The following GIGYF2 variants were observed in gnomAD, a reference collection of about 807,000 sequenced individuals.
GIGYF2 encodes GRB10-interacting GYF protein 2.
In GIGYF2, 25 loss-of-function variants were observed where a neutral mutation model predicts 208.1. That is an observed-to-expected ratio of 0.12 (90% CI 0.09 to 0.17). GIGYF2 has a LOEUF of 0.17. Among genes scored for constraint, GIGYF2 ranks in the 10% least tolerant of loss-of-function variants. GIGYF2 has a pLI of 1.00. For synonymous variants in GIGYF2, 534 were observed against 543.8 expected (o/e 0.98, Z 0.25); for missense variants, 1,302 against 1,579.4 (o/e 0.82, Z 2.98).
intron 2 of GIGYF2, among the ~76,000 whole-genome samples, chr2:232,723,432 CTTT>C (rs371379851): frequency 3.7e-5 from 5 of 135,080 alleles, no homozygotes; most frequent in Non-Finnish European, 4.7e-5. Context: ...CTTTTCTTTT[CTTT>C]TTTTTTTTTT....
chr2:232,780,782 C>G (rs574234419), intron 8 of GIGYF2, among the ~76,000 whole-genome samples: 1 of 152,222 alleles, frequency 6.6e-6, no homozygotes, highest in East Asian at 1.9e-4. Context: ...GCTGACGTTA[C>G]AGAAGGAGGA....
chr2:232,742,287 T>A (rs1029488283), intron 3 of GIGYF2, among the ~76,000 whole-genome samples: 1 of 152,170 alleles, frequency 6.6e-6, no homozygotes, highest in African/African-American at 2.4e-5. Flanking sequence ...ACCCCTATAA[T>A]CCCAACACTT....
chr2:232,738,954 A>C (rs1171321544), intron 3 of GIGYF2, among the ~76,000 whole-genome samples: 1 of 152,190 alleles, frequency 6.6e-6, no homozygotes, highest in Non-Finnish European at 1.5e-5. Flanking sequence ...TTTGGTGCTA[A>C]ACTCCTTAGA....
intron 5 of GIGYF2, among the ~76,000 whole-genome samples, chr2:232,754,874 A>G (rs982771215): frequency 1.6e-4 from 24 of 151,794 alleles, no homozygotes; most frequent in Non-Finnish European, 3.2e-4. Context: ...ATATGATTAT[A>G]TACCTATAAA....
intron 8 of GIGYF2, among the ~76,000 whole-genome samples, chr2:232,779,924 A>G (rs1193879694): frequency 6.6e-6 from 1 of 152,014 alleles, no homozygotes; most frequent in African/African-American, 2.4e-5. Flanking sequence ...CCCTTTCACC[A>G]TTTTCTTTGG....
chr2:232,737,460 A>G (rs2106299375), intron 3 of GIGYF2, among the ~76,000 whole-genome samples: 1 of 152,338 alleles, frequency 6.6e-6, no homozygotes, highest in Non-Finnish European at 1.5e-5. Flanking sequence ...ATGCTGATGC[A>G]CTGAGGAATG....
chr2:232,745,168 A>T (rs1364253932), intron 3 of GIGYF2, among the ~76,000 whole-genome samples: 1 of 152,138 alleles, frequency 6.6e-6, no homozygotes, highest in African/African-American at 2.4e-5. Context: ...CTGGTTGTTT[A>T]ACTTGTTTTA....
chr2:232,735,700 C>T, intron 3 of GIGYF2: 1 of 989,954 alleles, frequency 1.0e-6, no homozygotes, highest in Non-Finnish European at 1.2e-6. Context: ...TAACAGTAGC[C>T]TATCTAGGAT....
At chr2:232,729,142 C>CT (rs1422038727) in intron 2 of GIGYF2, among the ~76,000 whole-genome samples, 5 of 152,080 alleles carry the variant, frequency 3.3e-5, no homozygotes, top group Admixed American at 3.3e-4. Context: ...CCACGCGTGA[C>CT]TAACTTTTGT....
chr2:232,847,539 C>T lies in GIGYF2; in HGVS notation c.3652C>T (p.Pro1218Ser). The change falls in exon 27 of 29, where the codon CCA becomes TCA. Residue 1218 changes from proline (P) to serine (S), a missense_variant. Transcript: ENST00000373563. ...GCCACAGCAGCAGCAGCAGCAGCCG[C>T]CACAGCAGCCGCCACAGCAGCCACA... The part of the protein sequence containing the change: ...QLPQQQQQQP[P>S]QQPPQQPQQQ... The T allele has an allele frequency of 6.2e-7, 1 of 1,602,842 alleles. No homozygotes were observed. The highest frequency in any genetic ancestry group is 8.5e-7 in the Non-Finnish European group (1 of 1,174,588).
chr2:232,840,957 A>G (rs1268638274), intron 23 of GIGYF2, among the ~76,000 whole-genome samples: 1 of 152,216 alleles, frequency 6.6e-6, no homozygotes, highest in African/African-American at 2.4e-5. Context: ...TTGGATACAC[A>G]AGGAGAAATA....
chr2:232,770,093 C>G (rs1699170025), intron 8 of GIGYF2, among the ~76,000 whole-genome samples: 1 of 152,074 alleles, frequency 6.6e-6, no homozygotes, highest in Non-Finnish European at 1.5e-5. Flanking sequence ...AAGGACTGAC[C>G]CAGTATAGGA....
At chr2:232,758,879 A>G (rs1698642230) in intron 6 of GIGYF2, among the ~76,000 whole-genome samples, 1 of 152,186 alleles carries the variant, frequency 6.6e-6, no homozygotes, top group Admixed American at 6.5e-5. Flanking sequence ...ATGACAATTT[A>G]TATTACATTA....
intron 2 of GIGYF2, chr2:232,719,152 A>T (rs1198515258): frequency 6.6e-6 from 1 of 152,196 alleles, no homozygotes; most frequent in Non-Finnish European, 1.5e-5. Flanking sequence ...TGCCGGCCAC[A>T]TAATTTTTAT....
At chr2:232,830,185 A>G (rs988426882) in intron 21 of GIGYF2, among the ~76,000 whole-genome samples, 7 of 152,142 alleles carry the variant, frequency 4.6e-5, no homozygotes, top group Admixed American at 1.3e-4. Flanking sequence ...GTCTCACTGT[A>G]TTGCCCAGTC....
chr2:232,766,074 G>A, intron 8 of GIGYF2: 3 of 466,742 alleles, frequency 6.4e-6, no homozygotes, highest in Non-Finnish European at 1.3e-5. Context: ...TTCCTCAGAG[G>A]ATAATGGTCT....
Position 232,817,025 on chromosome 2 carries a change from G to C in GIGYF2, c.2363G>C (p.Arg788Thr). 6.2e-7 allele frequency: 1 copy of C among 1,611,922 alleles called. No individual in the cohort carries two copies. Among genetic ancestry groups the C allele is most frequent in the Non-Finnish European group, 8.5e-7 (1 of 1,177,986 alleles). Residue 788 changes from arginine to threonine, a missense_variant, in exon 20 of 29, where the codon AGG becomes ACG. By Grantham distance (71) the Arg-to-Thr change is moderately conservative (BLOSUM62 -1). Coordinates refer to ENST00000373563, the MANE Select transcript of GIGYF2 (RefSeq NM_001103146.3). ...KRREEEELARRKQEEALRRQR... is the reference protein window; with the variant it reads ...KRREEEELARTKQEEALRRQR... Reference sequence around the variant, plus strand: ...CGAGAGGAAGAAGAACTTGCCCGAAGGAAACAGGTATGTATCTGGGAACTC... The same window carrying C: ...CGAGAGGAAGAAGAACTTGCCCGAACGAAACAGGTATGTATCTGGGAACTC...
At chr2:232,698,517 C>T (rs1005549878) in intron 1 of GIGYF2, among the ~76,000 whole-genome samples, 26 of 152,122 alleles carry the variant, frequency 1.7e-4, no homozygotes, top group African/African-American at 5.6e-4. Context: ...TCTTTCTGTA[C>T]ATTAATTTTG....
intron 22 of GIGYF2, among the ~76,000 whole-genome samples, chr2:232,833,479 C>T (rs771161831): frequency 8.5e-5 from 13 of 152,146 alleles, no homozygotes; most frequent in Non-Finnish European, 1.5e-4. Flanking sequence ...CTTTCTTTAT[C>T]GTTGAATATT....
Sources: gnomAD v4.1 joint callset for allele counts (sites outside exome capture counted in the v4.1 genomes callset) on GRCh38, gnomAD v4.1.1 for gene constraint, MANE v1.5 for transcripts, NCBI Gene and HGNC (gene_info 2026-07-23, HGNC 2026-07-21) for gene names.